DOCK10: variants seen among roughly 807,000 people sequenced by gnomAD.
The protein encoded by DOCK10 is dedicator of cytokinesis protein 10.
Under a neutral mutation model 280.1 loss-of-function variants are expected in DOCK10, and 145 were observed. The observed-to-expected ratio is 0.52, with a 90% CI of 0.45 to 0.59. DOCK10 has a LOEUF of 0.59. DOCK10 is among the 20% of genes least tolerant of loss of function. The pLI, the probability that DOCK10 is intolerant of heterozygous loss-of-function variation, is 0.00. For synonymous variants in DOCK10, 915 were observed against 942.2 expected (o/e 0.97, Z 0.53); for missense variants, 2,368 against 2,651.7 (o/e 0.89, Z 2.35).
intron 1 of DOCK10, among the ~76,000 whole-genome samples, chr2:225,009,878 G>T (rs200526386): frequency 1.3e-5 from 2 of 152,320 alleles, no homozygotes; most frequent in East Asian, 3.9e-4. Context: ...AAGAGTCTTT[G>T]TGTTGCCCTC....
chr2:224,863,578 G>A (rs550687513), intron 13 of DOCK10, among the ~76,000 whole-genome samples: 1 of 151,700 alleles, frequency 6.6e-6, no homozygotes, highest in African/African-American at 2.4e-5. Flanking sequence ...TCAGCCTCCC[G>A]AGTAGCTGGG....
In DOCK10 at chr2:224,805,591, GGTTCACATGA is replaced by G; in HGVS notation, c.3815-72_3815-63del. 1 of 1,598,402 alleles carries G rather than the reference GGTTCACATGA, an allele frequency of 6.3e-7. No individual in the cohort carries two copies. Among genetic ancestry groups the G allele is most frequent in the Non-Finnish European group, 8.5e-7 (1 of 1,172,234 alleles). ...GATGTATGGGCACACACACACAAAA[GGTTCACATGA>G]TGAACCAAAAAGATGTTGATACTGA... On this transcript the variant is annotated intron_variant, in intron 34 of 55. Transcript: ENST00000258390. The surrounding 1 kb of genome is among the most constrained non-coding windows in gnomAD (Gnocchi z 4.3).
At chr2:224,817,374 T>G (rs1023656958) in intron 29 of DOCK10, among the ~76,000 whole-genome samples, 3 of 152,234 alleles carry the variant, frequency 2.0e-5, no homozygotes, top group Non-Finnish European at 4.4e-5. Context: ...TTTACTCTCA[T>G]GCATGCTAAG....
chr2:224,816,567 A>G, intron 30 of DOCK10, 50 bp downstream of exon 30: 1 of 1,078,462 alleles, frequency 9.3e-7, no homozygotes, highest in Non-Finnish European at 1.4e-6. Context: ...ACGAACAAAC[A>G]AAAGCATTCA....
chr2:224,831,732 C>A (rs1232963844), intron 26 of DOCK10, among the ~76,000 whole-genome samples: 1 of 152,194 alleles, frequency 6.6e-6, no homozygotes, highest in Admixed American at 6.5e-5. Flanking sequence ...TGAGTGCTGT[C>A]CACAACCTGG....
chr2:224,832,858 G>T (rs909928969), intron 26 of DOCK10, among the ~76,000 whole-genome samples: 1 of 152,124 alleles, frequency 6.6e-6, no homozygotes, highest in African/African-American at 2.4e-5. Context: ...GCTTTTGCCT[G>T]TTCACGTCTG....
At chr2:224,792,306 C>T (rs935969739) in intron 47 of DOCK10, among the ~76,000 whole-genome samples, 4 of 151,816 alleles carry the variant, frequency 2.6e-5, no homozygotes, top group Non-Finnish European at 1.5e-5. Flanking sequence ...TTTTTGGAGA[C>T]GGAGTCTCAC....
At chr2:224,929,151 A>G (rs16866353) in intron 2 of DOCK10, among the ~76,000 whole-genome samples, 85,350 of 152,048 alleles carry the variant, frequency 0.56, 24,916 homozygotes, top group Non-Finnish European at 0.64. Context: ...GATTCTGCCT[A>G]GTTTTATTTT....
chr2:225,028,449 C>T lies in DOCK10; in HGVS notation c.123+13803G>A, dbSNP rs192269441. Among the ~76,000 whole-genome samples the T allele has an allele frequency of 3.6e-3, 555 of 152,240 alleles. 6 individuals carry two copies. The highest frequency in any genetic ancestry group is 0.013 in the African/African-American group (525 of 41,528). On this transcript the variant is annotated intron_variant, in intron 1 of 55. Coordinates refer to ENST00000258390, the MANE Select transcript of DOCK10 (RefSeq NM_014689.3). ...GCATGAGACAAATTTTCCTCTAGAGCTCCACAAAGGGTCACAGCCTTGCTG... is the reference window on the plus strand; with the variant it reads ...GCATGAGACAAATTTTCCTCTAGAGTTCCACAAAGGGTCACAGCCTTGCTG...
At chr2:224,801,299 A>AAC (rs1456240341) in intron 40 of DOCK10, among the ~76,000 whole-genome samples, 3 of 151,766 alleles carry the variant, frequency 2.0e-5, no homozygotes, top group African/African-American at 7.3e-5. Flanking sequence ...AAAAAAAAAA[A>AAC]AAAACATATT....
intron 1 of DOCK10, among the ~76,000 whole-genome samples, chr2:224,934,787 G>A (rs955310032): frequency 1.3e-5 from 2 of 152,166 alleles, no homozygotes; most frequent in Non-Finnish European, 2.9e-5. Flanking sequence ...ATGCACCAAC[G>A]GGGATAAGGT....
intron 1 of DOCK10, among the ~76,000 whole-genome samples, chr2:224,969,271 T>C (rs1488992731): frequency 6.6e-6 from 1 of 152,310 alleles, no homozygotes; most frequent in East Asian, 1.9e-4. Context: ...TCTCCACCCT[T>C]AAGAAAGTCA....
intron 1 of DOCK10, among the ~76,000 whole-genome samples, chr2:225,036,118 A>G (rs1690253422): frequency 6.6e-6 from 1 of 152,208 alleles, no homozygotes; most frequent in Non-Finnish European, 1.5e-5. Flanking sequence ...CTCACTCTGA[A>G]ACACATGTTT....
Position 224,786,264 on chromosome 2 carries a change from G to A in DOCK10, c.5655+758C>T, listed in dbSNP as rs16866175. On this transcript the variant is annotated intron_variant, in intron 50 of 55. Coordinates refer to ENST00000258390, the MANE Select transcript of DOCK10 (RefSeq NM_014689.3). The surrounding 1 kb of genome is among the most constrained non-coding windows in gnomAD (Gnocchi z 4.7). The stretch of plus-strand genomic sequence containing the variant: ...CTGCCATTCCGAAAATAAAAGCATG[G>A]GATGTCTATCCACACAAGCAACAGT... Among the ~76,000 whole-genome samples, 1,847 of 152,262 alleles carry A rather than the reference G, an allele frequency of 0.012. 38 individuals carry two copies. Among genetic ancestry groups the A allele is most frequent in the Middle Eastern group, 0.044 (13 of 294 alleles).
chr2:224,783,718 C>A (rs1444947139), intron 50 of DOCK10, among the ~76,000 whole-genome samples: 1 of 149,524 alleles, frequency 6.7e-6, no homozygotes, highest in African/African-American at 2.5e-5. Flanking sequence ...TTCCCCACTG[C>A]CCCCCCTCAG....
chr2:225,034,226 G>C (rs1373489657), intron 1 of DOCK10, among the ~76,000 whole-genome samples: 2 of 152,210 alleles, frequency 1.3e-5, no homozygotes, highest in East Asian at 1.9e-4. Flanking sequence ...TTATAGAGTA[G>C]TCAGGAGGAA....
chr2:224,845,528 C>G lies in DOCK10; in HGVS notation c.2350G>C (p.Glu784Gln). The G allele has an allele frequency of 1.2e-6, 2 of 1,612,026 alleles. No homozygotes were observed. The highest frequency in any genetic ancestry group is 4.5e-5 in the East Asian group (2 of 44,868). The part of the protein sequence containing the change: ...KANAKKKEAL[E>Q]TSVGYAWLPL... ...TTCTTCCTGGCAGTACCTGACGTTTCCAGAGCCTCCTTCTTTTTGGCATTA... is the reference window on the plus strand; with the variant it reads ...TTCTTCCTGGCAGTACCTGACGTTTGCAGAGCCTCCTTCTTTTTGGCATTA... Residue 784 changes from glutamate (E) to glutamine (Q), a missense_variant, in exon 20 of 56, where the codon GAA becomes CAA. By Grantham distance (29) the Glu-to-Gln change is conservative. Transcript: ENST00000258390.
intron 2 of DOCK10, among the ~76,000 whole-genome samples, chr2:224,930,383 C>T (rs993687242): frequency 3.9e-5 from 6 of 151,982 alleles, no homozygotes; most frequent in African/African-American, 1.2e-4. Flanking sequence ...GATCTCTGCA[C>T]GAGATAAGTC....
At position 224,787,297 on chromosome 2, in the gene DOCK10, A is replaced by G. The variant is rs1691800093; in HGVS notation, c.5519T>C (p.Phe1840Ser). 1 of 1,613,870 alleles carries G rather than the reference A, an allele frequency of 6.2e-7. No homozygotes were observed. Among genetic ancestry groups the G allele is most frequent in the South Asian group, 1.1e-5 (1 of 91,078 alleles). ...ADVNKPIIAV[F>S]EKQRDFKKLS... The stretch of plus-strand genomic sequence containing the variant: ...TACTTTGAAGTCTCGTTGTTTCTCA[A>G]AGACAGCAATGATGGGCTTGTTGAC... Residue 1840 changes from phenylalanine (F) to serine (S), a missense_variant, in exon 49 of 56, where the codon TTT (phenylalanine) becomes TCT (serine). By Grantham distance (155) the Phe-to-Ser change is radical. Coordinates refer to ENST00000258390, the MANE Select transcript of DOCK10 (RefSeq NM_014689.3).
Sources: allele counts gnomAD v4.1 joint callset (sites outside exome capture counted in the v4.1 genomes callset), GRCh38; gene constraint gnomAD v4.1.1; non-coding constraint Gnocchi (gnomAD v3.1); transcripts MANE v1.5; gene names NCBI Gene and HGNC (gene_info 2026-07-23, HGNC 2026-07-21).